Variants in NOSTRIN observed in about 807,000 individuals in gnomAD.
NOSTRIN encodes nitric oxide synthase trafficking.
In NOSTRIN, 63 loss-of-function variants were observed where a neutral mutation model predicts 59.0. The observed-to-expected ratio is 1.07, with a 90% CI of 0.87 to 1.32. The LOEUF (loss-of-function observed/expected upper bound fraction) is 1.32. Ranked by LOEUF, NOSTRIN falls within the 40% of genes most tolerant of loss-of-function variation. NOSTRIN has a pLI of 0.00. For synonymous variants in NOSTRIN, 200 were observed against 165.4 expected, an observed-to-expected ratio of 1.21 and a Z score of -1.61; for missense variants, 512 against 473.1, an observed-to-expected ratio of 1.08 and a Z score of -0.76.
At chr2:168,803,470 A>G (rs370932753) in intron 1 of NOSTRIN, among the ~76,000 whole-genome samples, 22 of 152,316 alleles carry the variant, frequency 1.4e-4, no homozygotes, top group African/African-American at 5.3e-4. Context: ...TTGATAACAC[A>G]AACTGTGGGG....
At chr2:168,789,696 T>C (rs1369408250) in intron 2 of NOSTRIN, among the ~76,000 whole-genome samples, 1 of 152,194 alleles carries the variant, frequency 6.6e-6, no homozygotes, top group African/African-American at 2.4e-5. Context: ...AGGCTACTAC[T>C]ATCACAACCA....
intron 15 of NOSTRIN, among the ~76,000 whole-genome samples, chr2:168,862,793 T>C (rs1574346810): frequency 1.3e-5 from 2 of 152,202 alleles, no homozygotes; most frequent in East Asian, 3.8e-4. Context: ...TGTTTGAATG[T>C]TAGCGCTAAT....
upstream of NOSTRIN, among the ~76,000 whole-genome samples, chr2:168,794,743 G>A (rs1685439495): frequency 1.3e-5 from 2 of 151,954 alleles, no homozygotes; most frequent in South Asian, 4.1e-4. Flanking sequence ...GGTGTAAAAT[G>A]GCTTAAAAAA....
chr2:168,864,696 G>C, intron 15 of NOSTRIN, 138 bp from the exon 16 acceptor site: 3 of 850,002 alleles, frequency 3.5e-6, no homozygotes, highest in Non-Finnish European at 5.5e-6. Flanking sequence ...CGATACATTT[G>C]GCTTCATCTG....
rs1448351485 is a variant in NOSTRIN, at chr2:168,862,088, A to G, written c.1384+39A>G. The G allele has an allele frequency of 1.9e-6, 3 of 1,559,932 alleles. No homozygotes were observed. In the Admixed American group the frequency reaches 5.0e-5, roughly 26 times the overall value. ...TCAAATATTTTAATTGCCTTCCCAT[A>G]TTGAGATTCTTAGCATGAATAAAAC... On this transcript the variant is annotated intron_variant, in intron 15 of 15. Transcript: ENST00000317647.
At chr2:168,826,177 G>C (rs895265709) in intron 3 of NOSTRIN, among the ~76,000 whole-genome samples, 1 of 152,016 alleles carries the variant, frequency 6.6e-6, no homozygotes, top group African/African-American at 2.4e-5. Flanking sequence ...AAAGCTCTGT[G>C]AATGTCCATT....
chr2:168,862,474 T>C (rs1689525143), intron 15 of NOSTRIN, among the ~76,000 whole-genome samples: 1 of 152,220 alleles, frequency 6.6e-6, no homozygotes, highest in African/African-American at 2.4e-5. Flanking sequence ...ATTAGAGATG[T>C]ACCCCACCTT....
Position 168,859,933 on chromosome 2 carries a change from T to C in NOSTRIN, c.1179+296T>C, listed in dbSNP as rs371635347. Among the ~76,000 whole-genome samples, 28 of 152,334 alleles carry C rather than the reference T, an allele frequency of 1.8e-4. 1 individual carries two copies. The South Asian group carries it at 5.8e-3, about 32-fold the overall frequency. On this transcript the variant is annotated intron_variant, in intron 13 of 15. Transcript: ENST00000317647. ...TTGGATGTGCTTTTACAGTAAAATT[T>C]CTATTAAATTGAAATTTTAATATTC...
intron 3 of NOSTRIN, among the ~76,000 whole-genome samples, chr2:168,826,829 A>C (rs1687088930): frequency 6.6e-6 from 1 of 152,240 alleles, no homozygotes; most frequent in African/African-American, 2.4e-5. Flanking sequence ...CACTAAAATC[A>C]AAACATAGAC....
At chr2:168,794,874 T>C (rs1379150284), upstream of NOSTRIN, among the ~76,000 whole-genome samples, 1 of 152,260 alleles carries the variant, frequency 6.6e-6, no homozygotes, top group Admixed American at 6.5e-5. Flanking sequence ...GGATTGCAGG[T>C]GTGCCACTGC....
chr2:168,862,204 C>T (rs1192523694), intron 15 of NOSTRIN, among the ~76,000 whole-genome samples, 155 bp downstream of exon 15: 1 of 152,246 alleles, frequency 6.6e-6, no homozygotes, highest in East Asian at 1.9e-4. Flanking sequence ...CAAAAGCTCG[C>T]ATAATGATAA....
At position 168,824,641 on chromosome 2, in the gene NOSTRIN, C is replaced by A. The variant is rs3732031; in HGVS notation, c.121C>A (p.Leu41Met). ...CTAGTCCTTTTCTAACAGGGCAAAC[C>A]TGGAAATTAGCTATGCCAAAGGACT... ...VTSVLQQRAN[L>M]EISYAKGLQK... is the part of the protein sequence containing the mutation. Residue 41 changes from leucine (L) to methionine (M), a missense_variant, in exon 3 of 16, where the codon CTG becomes ATG. By Grantham distance (15) the Leu-to-Met change is conservative. Transcript: ENST00000317647. 2 of 872,394 alleles carry A rather than the reference C, an allele frequency of 2.3e-6. No individual in the cohort carries two copies. Among genetic ancestry groups the A allele is most frequent in the Non-Finnish European group, 4.0e-6 (2 of 501,380 alleles). 54.0% of individuals were successfully genotyped at this position (872,394 alleles called of 1,614,324 possible). A position where few individuals can be genotyped will look rare whatever the true frequency, so the allele number is the denominator to read the frequency against.
At chr2:168,850,032 C>T (rs888990021) in intron 8 of NOSTRIN, among the ~76,000 whole-genome samples, 1 of 151,670 alleles carries the variant, frequency 6.6e-6, no homozygotes, top group Non-Finnish European at 1.5e-5. Flanking sequence ...TCTGCCTCAA[C>T]CTCCTGAGTA....
intron 8 of NOSTRIN, among the ~76,000 whole-genome samples, chr2:168,846,494 C>T (rs1688433006): frequency 6.6e-6 from 1 of 152,112 alleles, no homozygotes; most frequent in African/African-American, 2.4e-5. Flanking sequence ...TATTGTAAAG[C>T]CTCAAATGTG....
chr2:168,820,088 C>A (rs371946952), intron 2 of NOSTRIN, among the ~76,000 whole-genome samples: 6 of 152,182 alleles, frequency 3.9e-5, no homozygotes, highest in Admixed American at 2.0e-4. Flanking sequence ...TTTTTGAAAG[C>A]CCTTTTGTTC....
chr2:168,802,719 G>T (rs1166715297), intron 1 of NOSTRIN, 46 bp downstream of exon 1: 1 of 860,770 alleles, frequency 1.2e-6, no homozygotes, highest in South Asian at 1.4e-5. Context: ...GAGGAGGGTG[G>T]AGGGTGGATT....
intron 3 of NOSTRIN, among the ~76,000 whole-genome samples, chr2:168,824,959 A>G (rs1332413178): frequency 6.6e-6 from 1 of 151,814 alleles, no homozygotes; most frequent in East Asian, 1.9e-4. Context: ...GGGTCTTACT[A>G]TGTTGCCCAG....
chr2:168,835,892 AC>A (rs2105679688), intron 7 of NOSTRIN, among the ~76,000 whole-genome samples: 1 of 152,290 alleles, frequency 6.6e-6, no homozygotes, highest in Admixed American at 6.5e-5. Flanking sequence ...TTCTGCTTAC[AC>A]CCCAATAGAT....
chr2:168,863,505 T>G (rs1238972408), intron 15 of NOSTRIN: 1 of 985,382 alleles, frequency 1.0e-6, no homozygotes, highest in African/African-American at 1.7e-5. Context: ...CTTTCTACTT[T>G]TATGACAAGA....
Sources: gnomAD v4.1 joint callset for allele counts (sites outside exome capture counted in the v4.1 genomes callset) on GRCh38, gnomAD v4.1.1 for gene constraint, MANE v1.5 for transcripts, NCBI Gene and HGNC (gene_info 2026-07-23, HGNC 2026-07-21) for gene names.